Variants in STAU2 observed in about 807,000 individuals in gnomAD.
STAU2 encodes the protein double-stranded RNA-binding protein Staufen homolog 2.
STAU2 carries 20 observed loss-of-function variants against 65.9 expected under a neutral mutation model. The ratio of observed to expected loss-of-function variants is 0.30; its 90% CI spans 0.21 to 0.44. The LOEUF (loss-of-function observed/expected upper bound fraction) is 0.44. STAU2 is among the 20% of genes least tolerant of loss of function. The pLI is 1.00. For missense variants in STAU2, 558 were observed against 683.9 expected, an observed-to-expected ratio of 0.82 and a Z score of 2.05; for synonymous variants, 232 against 233.9, an observed-to-expected ratio of 0.99 and a Z score of 0.07.
At chr8:73,735,440 T>G (rs1806367968) in intron 3 of STAU2, among the ~76,000 whole-genome samples, 1 of 152,248 alleles carries the variant, frequency 6.6e-6, no homozygotes, top group African/African-American at 2.4e-5. Flanking sequence ...AATACACTTC[T>G]GTTAAGATTG....
chr8:73,469,457 A>AAT lies in STAU2; in HGVS notation c.1531-46757_1531-46756dup, dbSNP rs1161370025. Among the ~76,000 whole-genome samples the AAT allele has an allele frequency of 2.7e-3, 357 of 130,548 alleles. 2 individuals carry two copies. Among genetic ancestry groups the AAT allele is most frequent in the African/African-American group, 9.8e-3 (330 of 33,738 alleles). The allele number at this position is 130,548 out of a possible 152,430, so 85.6% of individuals were successfully genotyped here. A position where few individuals can be genotyped will look rare whatever the true frequency, so the allele number is the denominator to read the frequency against. On this transcript the variant is annotated intron_variant, in intron 13 of 14. Coordinates refer to ENST00000524300, the MANE Select transcript of STAU2 (RefSeq NM_001164380.2). The stretch of plus-strand genomic sequence containing the variant: ...TACCCTAGAACTTAAAGTATAATAA[A>AAT]ATATATATATATATTTAAAAAAAAA...
At position 73,527,609 on chromosome 8, in the gene STAU2, G is replaced by C. The variant is rs1585936674; in HGVS notation, c.1530+24403C>G. 26 of 1,007,402 alleles carry C rather than the reference G, an allele frequency of 2.6e-5. No individual in the cohort carries two copies. The East Asian group carries it at 6.8e-4, about 26-fold the overall frequency. The allele number at this position is 1,007,402 out of a possible 1,614,324, so 62.4% of individuals were successfully genotyped here. On this transcript the variant is annotated intron_variant, in intron 13 of 14. Coordinates refer to ENST00000524300, the MANE Select transcript of STAU2 (RefSeq NM_001164380.2). ...TGTATTAAGGAAAGCAAAGCTGCAT[G>C]TGCGCACATAGCTTCCATTTTGATG...
intron 6 of STAU2, among the ~76,000 whole-genome samples, chr8:73,655,639 CTTTTT>C (rs71269930): frequency 9.5e-5 from 10 of 104,746 alleles, no homozygotes; most frequent in South Asian, 3.2e-4. Context: ...TTTAATACAT[CTTTTT>C]TTTTTTTTTT....
At chr8:73,481,508 C>CAAAAAAAAAAAA (rs1346555942) in intron 13 of STAU2, among the ~76,000 whole-genome samples, 1 of 77,852 alleles carries the variant, frequency 1.3e-5, no homozygotes, top group South Asian at 3.8e-4. Context: ...GCCAAAAAAA[C>CAAAAAAAAAAAA]AAAAAAACAA....
chr8:73,533,036 T>G (rs755369497), intron 13 of STAU2, among the ~76,000 whole-genome samples: 8 of 152,216 alleles, frequency 5.3e-5, no homozygotes, highest in Non-Finnish European at 8.8e-5. Context: ...GCACACTTTC[T>G]CAGGACCTCT....
chr8:73,513,758 TCTA>T (rs1426285752), intron 13 of STAU2, among the ~76,000 whole-genome samples: 2 of 152,190 alleles, frequency 1.3e-5, no homozygotes, highest in African/African-American at 4.8e-5. Flanking sequence ...TACCGAGATG[TCTA>T]CTGTTACTCA....
intron 3 of STAU2, chr8:73,732,479 A>G (rs556780539): frequency 2.6e-5 from 4 of 152,386 alleles, no homozygotes; most frequent in Admixed American, 6.5e-5. Flanking sequence ...CTGGCTACAT[A>G]TAAAATAAAT....
chr8:73,732,643 T>C (rs1250145946), intron 3 of STAU2: 1 of 152,178 alleles, frequency 6.6e-6, no homozygotes, highest in Admixed American at 6.5e-5. Context: ...ACACCCAGTC[T>C]TGGAAAGAAA....
At chr8:73,637,477 T>TAAAAAGAAAAAAAA (rs1814618667) in intron 6 of STAU2, among the ~76,000 whole-genome samples, 1 of 57,086 alleles carries the variant, frequency 1.8e-5, no homozygotes, top group Non-Finnish European at 3.0e-5. Flanking sequence ...GTGCTGAAAG[T>TAAAAAGAAAAAAAA]AAAAAAAAAA....
chr8:73,656,393 C>G (rs1256129162), intron 6 of STAU2, among the ~76,000 whole-genome samples: 2 of 152,228 alleles, frequency 1.3e-5, no homozygotes, highest in Non-Finnish European at 2.9e-5. Flanking sequence ...GTTAAGTCCT[C>G]TCACAATTTG....
At chr8:73,548,327 G>A (rs752070251) in intron 13 of STAU2, among the ~76,000 whole-genome samples, 6 of 151,538 alleles carry the variant, frequency 4.0e-5, no homozygotes, top group Non-Finnish European at 5.9e-5. Context: ...TGAGGTATAG[G>A]AGAGATAAGA....
intron 13 of STAU2, among the ~76,000 whole-genome samples, chr8:73,499,491 G>A (rs1032515354): frequency 6.6e-6 from 1 of 151,860 alleles, no homozygotes; most frequent in African/African-American, 2.4e-5. Flanking sequence ...TCACAAAGGA[G>A]GGAGGCAATC....
intron 5 of STAU2, among the ~76,000 whole-genome samples, chr8:73,688,288 C>T (rs11777873): frequency 3.3e-5 from 5 of 151,192 alleles, no homozygotes; most frequent in African/African-American, 4.9e-5. Flanking sequence ...GCAATTCTCC[C>T]GCCTCAGCCT....
rs1197395240 is a variant in STAU2, at chr8:73,583,804, T to C, written c.1162-974A>G. On this transcript the variant is annotated intron_variant, in intron 11 of 14. Coordinates refer to ENST00000524300, the MANE Select transcript of STAU2 (RefSeq NM_001164380.2). The stretch of plus-strand genomic sequence containing the variant: ...CTTTTGCCAAATGATTAGTGTTTGG[T>C]ATAAAATACATTCTGAAATGTAGAT... Among the ~76,000 whole-genome samples, 5 of 152,204 alleles carry C rather than the reference T, an allele frequency of 3.3e-5. No individual in the cohort carries two copies. In the East Asian group the frequency reaches 5.8e-4, roughly 18 times the overall value.
At position 73,487,098 on chromosome 8, in the gene STAU2, C is replaced by A. The variant is rs562349242; in HGVS notation, c.1531-64396G>T. ...TTGAGACGTCTGGAAGTGGTAAAGG[C>A]AATAAGCTCTTGTGACATTATCCAA... On this transcript the variant is annotated intron_variant, in intron 13 of 14. Transcript: ENST00000524300. Among the ~76,000 whole-genome samples, 8 of 152,212 alleles carry A rather than the reference C, an allele frequency of 5.3e-5. No individual in the cohort carries two copies. In the South Asian group the frequency reaches 1.2e-3, roughly 24 times the overall value.
At chr8:73,573,185 C>T (rs981386107) in intron 12 of STAU2, among the ~76,000 whole-genome samples, 2 of 152,302 alleles carry the variant, frequency 1.3e-5, no homozygotes, top group Non-Finnish European at 2.9e-5. Flanking sequence ...CCTAGGAATC[C>T]AACTTATAAG....
At chr8:73,676,429 A>G (rs1450452848) in intron 5 of STAU2, among the ~76,000 whole-genome samples, 1 of 152,224 alleles carries the variant, frequency 6.6e-6, no homozygotes, top group East Asian at 1.9e-4. Context: ...CAGACTGTAG[A>G]TCTAAACTGT....
chr8:73,578,987 A>ACCCCC (rs60925472), intron 12 of STAU2, among the ~76,000 whole-genome samples: 1 of 66,308 alleles, frequency 1.5e-5, no homozygotes, highest in Non-Finnish European at 3.4e-5. Context: ...ACCCCTACCC[A>ACCCCC]CCCCCCCAAA....
rs749786462 is a variant in STAU2 at position 73,603,881 on chromosome 8, A to C, written c.892-18T>G. 4.4e-6 allele frequency: 7 copies of C among 1,575,078 alleles called. No homozygotes were observed. In the South Asian group the frequency reaches 8.4e-5, roughly 19 times the overall value. ...GGTCCGGCCTAAAAATTAATTTAAG[A>C]AAAAGTTTTAAAATATGCTTGTGAA... On this transcript the variant is annotated intron_variant, in intron 9 of 14. Transcript: ENST00000524300.
Sources: allele counts gnomAD v4.1 joint callset (sites outside exome capture counted in the v4.1 genomes callset), GRCh38; gene constraint gnomAD v4.1.1; transcripts MANE v1.5; gene names NCBI Gene and HGNC (gene_info 2026-07-23, HGNC 2026-07-21).